The following BRMS1L variants were observed in gnomAD, a reference collection of about 807,000 sequenced individuals.
BRMS1L encodes the protein breast cancer metastasis-suppressor 1-like protein.
A neutral mutation model predicts 50.3 loss-of-function variants in BRMS1L; 23 were observed. The observed-to-expected ratio is 0.46, with a 90% CI of 0.33 to 0.65. The LOEUF is 0.65. BRMS1L is among the 30% of genes least tolerant of loss of function. The pLI is 0.02. For missense variants in BRMS1L, 286 were observed against 386.1 expected (o/e 0.74, Z 2.17); for synonymous variants, 114 against 126.9 (o/e 0.90, Z 0.69).
At position 35,852,901 on chromosome 14, in the gene BRMS1L, G is replaced by A. The variant is rs181416537; in HGVS notation, c.442-9689G>A. ...AGCCGAGATAGTGTCACTGCTGTCCGGCCTGGGCGAAAGAGCGAGGCTCCG... is the reference window on the plus strand; with the variant it reads ...AGCCGAGATAGTGTCACTGCTGTCCAGCCTGGGCGAAAGAGCGAGGCTCCG... On this transcript the variant is annotated intron_variant, in intron 4 of 9. Transcript: ENST00000216807. 3.9e-3 allele frequency among the ~76,000 whole-genome samples: 593 copies of A among 152,036 alleles called. 6 individuals carry two copies. The South Asian group carries it at 0.043, about 11-fold the overall frequency.
intron 9 of BRMS1L, 69 bp from the exon 10 acceptor site, chr14:35,870,291 G>A: frequency 1.0e-6 from 1 of 978,352 alleles, no homozygotes; most frequent in Non-Finnish European, 1.6e-6. Context: ...GTTTTATATA[G>A]GTAATAATCT....
At chr14:35,856,611 T>TGGC (rs1555315093) in intron 4 of BRMS1L, among the ~76,000 whole-genome samples, 4 of 149,414 alleles carry the variant, frequency 2.7e-5, no homozygotes, top group African/African-American at 1.0e-4. Flanking sequence ...TACATTTTTT[T>TGGC]GGGGGGGGGT....
chr14:35,828,695 A>G (rs1004700914), intron 1 of BRMS1L, among the ~76,000 whole-genome samples: 1 of 152,018 alleles, frequency 6.6e-6, no homozygotes, highest in African/African-American at 2.4e-5. Context: ...ACCTCAGGTG[A>G]TCTGCCTGCC....
Position 35,870,574 on chromosome 14 carries a change from C to A in BRMS1L, c.*97C>A. ...TGTATTCAATAACTTAATATTCTCA[C>A]TGAATCATGAGAGAATGTGTATTTG... On this transcript the variant is annotated 3_prime_UTR_variant, in exon 10 of 10. Coordinates refer to ENST00000216807, the MANE Select transcript of BRMS1L (RefSeq NM_032352.4). 1 of 693,316 alleles carries A rather than the reference C, an allele frequency of 1.4e-6. No homozygotes were observed. The highest frequency in any genetic ancestry group is 2.5e-5 in the Admixed American group (1 of 40,524). The allele number at this position is 693,316 out of a possible 1,614,324, so 42.9% of individuals were successfully genotyped here.
chr14:35,831,526 T>C, intron 2 of BRMS1L, 26 bp downstream of exon 2: 1 of 1,523,374 alleles, frequency 6.6e-7, no homozygotes. Flanking sequence ...AGAAGGCCAT[T>C]GTCACTGAAT....
rs771464807 is a variant in BRMS1L, at chr14:35,862,658, G to A, written c.510G>A (p.Glu170=). 8.7e-6 allele frequency: 14 copies of A among 1,610,944 alleles called. No homozygotes were observed. Among genetic ancestry groups the A allele is most frequent in the South Asian group, 5.5e-5 (5 of 90,678 alleles). ...AGGAGAAGATAAGAAGGCTTGAAGA[G>A]GATAGGCACAGCATTGATATTACCT... The part of the protein sequence containing the change: ...ELEEKIRRLE[E]DRHSIDITSE... The change falls in exon 5 of 10, where the codon GAG becomes GAA. Residue 170 remains glutamate (E), a synonymous_variant. Transcript: ENST00000216807.
chr14:35,832,930 C>A (rs746699662), intron 2 of BRMS1L, 48 bp from the exon 3 acceptor site: 4 of 1,518,852 alleles, frequency 2.6e-6, no homozygotes, highest in African/African-American at 1.4e-5. Flanking sequence ...AAATTGTTAG[C>A]CTTTGTTGAG....
At chr14:35,854,236 A>G (rs938146748) in intron 4 of BRMS1L, among the ~76,000 whole-genome samples, 5 of 152,132 alleles carry the variant, frequency 3.3e-5, no homozygotes, top group Non-Finnish European at 7.4e-5. Context: ...TCCCTTCACT[A>G]AGAGTCTCTT....
chr14:35,850,676 A>T (rs1311445887), intron 4 of BRMS1L, among the ~76,000 whole-genome samples: 1 of 152,134 alleles, frequency 6.6e-6, no homozygotes, highest in Non-Finnish European at 1.5e-5. Flanking sequence ...GGAGCTTTAC[A>T]GTTTCAGTTT....
intron 4 of BRMS1L, among the ~76,000 whole-genome samples, chr14:35,849,101 C>T (rs1189711317): frequency 6.6e-6 from 1 of 151,992 alleles, no homozygotes; most frequent in African/African-American, 2.4e-5. Context: ...GTGATCCTCC[C>T]ACCTTGGCCT....
intron 5 of BRMS1L, among the ~76,000 whole-genome samples, chr14:35,863,040 G>GATTGCA (rs1316619106): frequency 6.6e-6 from 1 of 151,928 alleles, no homozygotes; most frequent in Non-Finnish European, 1.5e-5. Flanking sequence ...AGGAGTTCGA[G>GATTGCA]ATTGCAATTG....
At chr14:35,838,526 C>A (rs993930711) in intron 4 of BRMS1L, among the ~76,000 whole-genome samples, 1 of 152,200 alleles carries the variant, frequency 6.6e-6, no homozygotes, top group Non-Finnish European at 1.5e-5. Flanking sequence ...CACATCCTCT[C>A]CAGCATCTGT....
At chr14:35,866,811 C>G (rs2078427684) in intron 8 of BRMS1L, among the ~76,000 whole-genome samples, 1 of 152,192 alleles carries the variant, frequency 6.6e-6, no homozygotes, top group Admixed American at 6.5e-5. Context: ...AGAGCAGCTG[C>G]CTAGACCTGT....
At chr14:35,866,903 C>T (rs2078429141) in intron 8 of BRMS1L, among the ~76,000 whole-genome samples, 1 of 152,136 alleles carries the variant, frequency 6.6e-6, no homozygotes, top group South Asian at 2.1e-4. Flanking sequence ...CTCCCTCCCA[C>T]TCTTATCTTC....
intron 4 of BRMS1L, among the ~76,000 whole-genome samples, chr14:35,853,447 CATT>C (rs1376887964): frequency 2.6e-5 from 4 of 152,026 alleles, no homozygotes; most frequent in African/African-American, 9.7e-5. Context: ...GACAGGGTCT[CATT>C]GTCTCTCAGC....
intron 4 of BRMS1L, among the ~76,000 whole-genome samples, chr14:35,848,655 T>C (rs2078168291): frequency 6.6e-6 from 1 of 152,218 alleles, no homozygotes; most frequent in Non-Finnish European, 1.5e-5. Flanking sequence ...ACCACCATTC[T>C]ACTCTTCTAT....
intron 1 of BRMS1L, among the ~76,000 whole-genome samples, chr14:35,828,177 T>C (rs568942348): frequency 6.6e-6 from 1 of 152,122 alleles, no homozygotes; most frequent in Non-Finnish European, 1.5e-5. Flanking sequence ...CTTTTTTTTT[T>C]CTTTTCTCTC....
chr14:35,836,815 G>A (rs182624835), intron 4 of BRMS1L, among the ~76,000 whole-genome samples: 48 of 152,236 alleles, frequency 3.2e-4, no homozygotes, highest in Middle Eastern at 3.4e-3. Flanking sequence ...TTAGGAGGCC[G>A]AGGCGGGCAG....
intron 4 of BRMS1L, 112 bp from the exon 5 acceptor site, chr14:35,862,478 A>G (rs1346003251): frequency 2.1e-6 from 1 of 471,128 alleles, no homozygotes; most frequent in East Asian, 3.7e-5. Context: ...ATTGAATTGA[A>G]AAAGCAAACC....
Sources: allele counts gnomAD v4.1 joint callset (sites outside exome capture counted in the v4.1 genomes callset), GRCh38; gene constraint gnomAD v4.1.1; transcripts MANE v1.5; gene names NCBI Gene and HGNC (gene_info 2026-07-23, HGNC 2026-07-21).